SAMD12: variants seen among roughly 807,000 people sequenced by gnomAD.
SAMD12 encodes sterile alpha motif domain containing 12.
SAMD12 carries 9 observed loss-of-function variants against 15.0 expected under a neutral mutation model. The observed-to-expected ratio is 0.60, with a 90% CI of 0.36 to 1.05. The LOEUF (loss-of-function observed/expected upper bound fraction) is 1.05. Ranked by LOEUF, SAMD12 falls within the 50% of genes least tolerant of loss-of-function variation. The pLI is 0.01. For missense variants in SAMD12, 230 were observed against 234.2 expected (o/e 0.98, Z 0.12); for synonymous variants, 86 against 90.1 (o/e 0.96, Z 0.25).
intron 4 of SAMD12, among the ~76,000 whole-genome samples, chr8:118,300,334 C>T (rs1355064710): frequency 6.6e-6 from 1 of 152,166 alleles, no homozygotes; most frequent in East Asian, 1.9e-4. Flanking sequence ...TTCCTAGTTT[C>T]TCCTATTCTC....
intron 2 of SAMD12, among the ~76,000 whole-genome samples, chr8:118,565,540 TCACATGCA>T (rs1343881977): frequency 3.9e-5 from 6 of 152,182 alleles, no homozygotes; most frequent in East Asian, 1.9e-4. Context: ...ACATTCTTTG[TCACATGCA>T]CACATGCACA....
chr8:118,621,688 C>T (rs933511606), intron 1 of SAMD12, 116 bp downstream of exon 1: 32 of 1,197,852 alleles, frequency 2.7e-5, no homozygotes, highest in South Asian at 8.7e-5. Context: ...GGAAGGGGCC[C>T]GCTCTCCGCC....
chr8:118,537,973 G>T (rs147546687), intron 2 of SAMD12, among the ~76,000 whole-genome samples: 1 of 152,142 alleles, frequency 6.6e-6, no homozygotes, highest in African/African-American at 2.4e-5. Context: ...GGACTTAGGT[G>T]TTGTGATCTA....
intron 2 of SAMD12, among the ~76,000 whole-genome samples, chr8:118,550,870 T>G (rs6469757): frequency 0.74 from 107,875 of 146,512 alleles, 40,142 homozygotes; most frequent in African/African-American, 0.8. Flanking sequence ...AAAGGCAGGG[T>G]TTGCAATCCT....
rs557124182 is a variant in SAMD12, at chr8:118,490,102, A to C, written c.193-50141T>G. 2.0e-5 allele frequency among the ~76,000 whole-genome samples: 3 copies of C among 152,274 alleles called. No homozygotes were observed. In the East Asian group the frequency reaches 5.8e-4, roughly 29 times the overall value. Reference sequence around the variant, plus strand: ...TTAAGTTCTTACTATCATAGCATTCAAAAAAATAAGAGTCTGCTATTGTTG... The same window carrying C: ...TTAAGTTCTTACTATCATAGCATTCCAAAAAATAAGAGTCTGCTATTGTTG... On this transcript the variant is annotated intron_variant, in intron 2 of 3. Transcript: ENST00000314727.
chr8:118,186,013 G>T (rs960138045), downstream of SAMD12, among the ~76,000 whole-genome samples: 22 of 152,132 alleles, frequency 1.4e-4, no homozygotes, highest in Non-Finnish European at 5.9e-5. Flanking sequence ...TGTTCTATGG[G>T]CTGTAAATTG....
At chr8:118,467,148 C>T (rs1159940477) in intron 2 of SAMD12, among the ~76,000 whole-genome samples, 1 of 152,142 alleles carries the variant, frequency 6.6e-6, no homozygotes, top group South Asian at 2.1e-4. Flanking sequence ...ATGATTCTGC[C>T]TCCTGCCTGA....
At position 118,378,441 on chromosome 8, in the gene SAMD12, CA is replaced by C. The variant is rs1344120693; in HGVS notation, c.*975del. On this transcript the variant is annotated 3_prime_UTR_variant, in exon 4 of 4. Coordinates refer to ENST00000314727, the MANE Select transcript of SAMD12 (RefSeq NM_207506.3). ...ATTGGAAATCTCTGAGGACAAAATGCAAATAATGCATATGAGACAAACAATA... is the reference window on the plus strand; with the variant it reads ...ATTGGAAATCTCTGAGGACAAAATGCAATAATGCATATGAGACAAACAATA... 1 of 981,868 alleles carries C rather than the reference CA, an allele frequency of 1.0e-6. No individual in the cohort carries two copies. The highest frequency in any genetic ancestry group is 1.2e-6 in the Non-Finnish European group (1 of 826,948). 60.8% of individuals were successfully genotyped at this position (981,868 alleles called of 1,614,324 possible). A position where few individuals can be genotyped will look rare whatever the true frequency, so the allele number is the denominator to read the frequency against.
intron 2 of SAMD12, among the ~76,000 whole-genome samples, chr8:118,558,817 A>G (rs1456672144): frequency 2.0e-5 from 3 of 151,928 alleles, no homozygotes; most frequent in African/African-American, 7.3e-5. Context: ...TCAGCCTCCG[A>G]AAGTGCTGGG....
chr8:118,493,386 G>T (rs1282471501), intron 2 of SAMD12, among the ~76,000 whole-genome samples: 1 of 152,062 alleles, frequency 6.6e-6, no homozygotes, highest in African/African-American at 2.4e-5. Flanking sequence ...GCCTACTTTT[G>T]CTTCTGCTCA....
At chr8:118,579,554 A>G (rs1827232461) in intron 2 of SAMD12, among the ~76,000 whole-genome samples, 1 of 152,188 alleles carries the variant, frequency 6.6e-6, no homozygotes, top group South Asian at 2.1e-4. Context: ...ACACTAAAGA[A>G]GAGAAGCAAT....
chr8:118,399,526 G>A (rs1165167927), intron 3 of SAMD12, among the ~76,000 whole-genome samples: 1 of 152,092 alleles, frequency 6.6e-6, no homozygotes, highest in Non-Finnish European at 1.5e-5. Context: ...GGAGGCAGGA[G>A]GTATGAAGGT....
At chr8:118,349,400 A>C (rs558589410) in intron 4 of SAMD12, among the ~76,000 whole-genome samples, 1 of 152,360 alleles carries the variant, frequency 6.6e-6, no homozygotes, top group East Asian at 1.9e-4. Flanking sequence ...TCAGTGCACA[A>C]GGTGTGATAA....
At chr8:118,469,488 AT>A (rs750449083) in intron 2 of SAMD12, among the ~76,000 whole-genome samples, 10 of 58,202 alleles carry the variant, frequency 1.7e-4, no homozygotes, top group East Asian at 4.0e-4. Context: ...CATGTAATAT[AT>A]TATATATATA....
At chr8:118,274,801 C>T (rs1042511701) in intron 4 of SAMD12, among the ~76,000 whole-genome samples, 6 of 152,114 alleles carry the variant, frequency 3.9e-5, no homozygotes, top group Non-Finnish European at 8.8e-5. Context: ...CATTTGCTTT[C>T]CTCCTATATA....
intron 2 of SAMD12, among the ~76,000 whole-genome samples, chr8:118,553,212 C>T (rs1826404427): frequency 6.6e-6 from 1 of 152,242 alleles, no homozygotes; most frequent in Non-Finnish European, 1.5e-5. Context: ...AAAAAAAAGC[C>T]CACATCGCCA....
chr8:118,436,570 A>G (rs1277038968), intron 3 of SAMD12, among the ~76,000 whole-genome samples: 1 of 152,206 alleles, frequency 6.6e-6, no homozygotes, highest in Non-Finnish European at 1.5e-5. Flanking sequence ...CTCAATGAGC[A>G]TGATAGAGGA....
rs182997160 is a variant in SAMD12 at position 118,524,428 on chromosome 8, C to A, written c.192+56287G>T. On this transcript the variant is annotated intron_variant, in intron 2 of 3. Coordinates refer to ENST00000314727, the MANE Select transcript of SAMD12 (RefSeq NM_207506.3). ...CTCCTTCTCTGACTCCTTACTGTTT[C>A]TTTCTCACCTCCCTGATTTCTAAAT... Among the ~76,000 whole-genome samples, 17 of 152,250 alleles carry A rather than the reference C, an allele frequency of 1.1e-4. No homozygotes were observed. In the East Asian group the frequency reaches 3.3e-3, roughly 29 times the overall value.
downstream of SAMD12, among the ~76,000 whole-genome samples, chr8:118,186,951 C>T (rs1044565319): frequency 6.6e-6 from 1 of 152,150 alleles, no homozygotes; most frequent in African/African-American, 2.4e-5. Context: ...CCCACACACT[C>T]GGTTTTGGAA....
Sources: allele counts gnomAD v4.1 joint callset (sites outside exome capture counted in the v4.1 genomes callset), GRCh38; gene constraint gnomAD v4.1.1; transcripts MANE v1.5; gene names NCBI Gene and HGNC (gene_info 2026-07-23, HGNC 2026-07-21).